Variants in MACO1 observed in about 807,000 individuals in gnomAD.
The protein encoded by MACO1 is macoilin.
A neutral mutation model predicts 78.7 loss-of-function variants in MACO1; 14 were observed. The observed-to-expected ratio is 0.18, with a 90% CI of 0.12 to 0.28. The LOEUF is 0.28. Among genes scored for constraint, MACO1 ranks in the 10% least tolerant of loss-of-function variants. The probability of loss-of-function intolerance (pLI) is 1.00; values close to 1 mark genes in which losing one functional copy is unlikely to be tolerated. For missense variants in MACO1, 501 were observed against 799.0 expected, an observed-to-expected ratio of 0.63 and a Z score of 4.50; for synonymous variants, 288 against 291.6, an observed-to-expected ratio of 0.99 and a Z score of 0.12.
At position 25,498,635 on chromosome 1, in the gene MACO1, C is replaced by T; in HGVS notation, c.*169C>T. 8.7e-6 allele frequency: 5 copies of T among 572,732 alleles called. No homozygotes were observed. Among genetic ancestry groups the T allele is most frequent in the South Asian group, 3.4e-5 (1 of 29,320 alleles). The allele number at this position is 572,732 out of a possible 1,614,324, so 35.5% of individuals were successfully genotyped here. ...TAACATCCAAGTCTGATTAGAACTG[C>T]CCATCAGTTTTTCTTGTAAATTTTT... On this transcript the variant is annotated 3_prime_UTR_variant, in exon 11 of 11. Transcript: ENST00000374343.
At chr1:25,448,098 G>A (rs555196718) in intron 2 of MACO1, among the ~76,000 whole-genome samples, 242 of 152,232 alleles carry the variant, frequency 1.6e-3, no homozygotes, top group African/African-American at 5.6e-3. Context: ...GCTCCAGACA[G>A]CCTGTCTTTT....
intron 8 of MACO1, among the ~76,000 whole-genome samples, chr1:25,487,815 T>A (rs2043447711): frequency 6.6e-6 from 1 of 152,074 alleles, no homozygotes. Flanking sequence ...TTGTCTCAAG[T>A]CTCATGGCCT....
chr1:25,476,604 G>C (rs35821610), intron 6 of MACO1, among the ~76,000 whole-genome samples: 63,206 of 152,054 alleles, frequency 0.42, 14,445 homozygotes, highest in East Asian at 0.73. Context: ...TGGTATAGAG[G>C]GTAATCAGTA....
Position 25,469,067 on chromosome 1 carries a change from TC to T in MACO1, c.1154+10177del, listed in dbSNP as rs1468677042. Reference sequence around the variant, plus strand: ...CATGTTGCCCAGGCTGGTCTCGAGCTCCTGACCTCAAGTGATCTGCCTGCCT... The same window carrying T: ...CATGTTGCCCAGGCTGGTCTCGAGCTCTGACCTCAAGTGATCTGCCTGCCT... On this transcript the variant is annotated intron_variant, in intron 6 of 10. Transcript: ENST00000374343. Among the ~76,000 whole-genome samples, 6 of 147,330 alleles carry T rather than the reference TC, an allele frequency of 4.1e-5. No homozygotes were observed. In the East Asian group the frequency reaches 1.3e-3, roughly 31 times the overall value.
At chr1:25,460,362 C>T (rs941567338) in intron 6 of MACO1, among the ~76,000 whole-genome samples, 1 of 151,888 alleles carries the variant, frequency 6.6e-6, no homozygotes, top group East Asian at 1.9e-4. Context: ...ATGCTATACA[C>T]AAAACATCTG....
At chr1:25,453,395 G>A (rs1557662623) in intron 3 of MACO1, among the ~76,000 whole-genome samples, 1 of 150,694 alleles carries the variant, frequency 6.6e-6, no homozygotes, top group Non-Finnish European at 1.5e-5. Context: ...CGGGCACGGT[G>A]GCTCACGCCT....
chr1:25,453,957 T>A (rs2043092260), intron 3 of MACO1, among the ~76,000 whole-genome samples: 1 of 152,178 alleles, frequency 6.6e-6, no homozygotes, highest in African/African-American at 2.4e-5. Flanking sequence ...ACTCGTAAAT[T>A]ATTTTCTTTA....
chr1:25,430,927 G>C lies in MACO1; in HGVS notation c.-172G>C, dbSNP rs1025513671. 7.1e-5 allele frequency: 34 copies of C among 476,716 alleles called. No individual in the cohort carries two copies. The highest frequency in any genetic ancestry group is 1.1e-4 in the Non-Finnish European group (30 of 268,596). The allele number at this position is 476,716 out of a possible 1,614,324, so 29.5% of individuals were successfully genotyped here. On this transcript the variant is annotated 5_prime_UTR_variant, in exon 1 of 11. Transcript: ENST00000374343. ...TTCTTTGTTTCCGAAGGCGGAGGAG[G>C]CTCCGAGCCCCCCCTCCCCGTGCTA...
intron 6 of MACO1, among the ~76,000 whole-genome samples, chr1:25,473,563 A>G (rs2043293599): frequency 6.6e-6 from 1 of 152,084 alleles, no homozygotes; most frequent in African/African-American, 2.4e-5. Context: ...TTGAAAGTTT[A>G]CTCCCTAGAA....
chr1:25,444,853 T>A (rs115655302), intron 1 of MACO1, among the ~76,000 whole-genome samples: 4 of 152,084 alleles, frequency 2.6e-5, no homozygotes, highest in Non-Finnish European at 4.4e-5. Flanking sequence ...ATTACAGATA[T>A]AAGCCACTGT....
At chr1:25,474,104 C>T (rs529564819) in intron 6 of MACO1, among the ~76,000 whole-genome samples, 10 of 152,148 alleles carry the variant, frequency 6.6e-5, no homozygotes, top group Middle Eastern at 3.2e-3. Context: ...GAACCTGACA[C>T]CTAGCATTTG....
At chr1:25,466,779 T>G (rs936740171) in intron 6 of MACO1, among the ~76,000 whole-genome samples, 1 of 152,206 alleles carries the variant, frequency 6.6e-6, no homozygotes, top group Non-Finnish European at 1.5e-5. Flanking sequence ...GAGCAGAAAT[T>G]TTTATTTTAA....
intron 6 of MACO1, among the ~76,000 whole-genome samples, chr1:25,471,702 T>C (rs1051922847): frequency 3.9e-5 from 6 of 152,212 alleles, no homozygotes; most frequent in Admixed American, 3.3e-4. Context: ...ACAGTGCAAC[T>C]CAAAGGCTTT....
rs376465534 is a variant in MACO1 at position 25,470,969 on chromosome 1, A to G, written c.1154+12077A>G. Among the ~76,000 whole-genome samples, 19 of 152,204 alleles carry G rather than the reference A, an allele frequency of 1.2e-4. No homozygotes were observed. The East Asian group carries it at 3.1e-3, about 25-fold the overall frequency. The stretch of plus-strand genomic sequence containing the variant: ...CTTGAACCTGGGAGTCAGAGGTTGC[A>G]GTGAGCCAGGGTCGCACCTCTGCAC... On this transcript the variant is annotated intron_variant, in intron 6 of 10. Transcript: ENST00000374343.
At chr1:25,495,887 C>T (rs539052876) in intron 10 of MACO1, among the ~76,000 whole-genome samples, 63 of 152,118 alleles carry the variant, frequency 4.1e-4, no homozygotes, top group South Asian at 6.2e-4. Context: ...GCTTGAACCC[C>T]GAAAGTGGAG....
chr1:25,469,564 A>T (rs913238470), intron 6 of MACO1, among the ~76,000 whole-genome samples: 4 of 151,640 alleles, frequency 2.6e-5, no homozygotes, highest in Non-Finnish European at 5.9e-5. Flanking sequence ...GAATTCACAG[A>T]CTTTCATACT....
Position 25,448,909 on chromosome 1 carries a change from A to G in MACO1, c.324A>G (p.Val108=), listed in dbSNP as rs1187572832. ...TTTTTTTTGCTGCTAGCACATATGT[A>G]TGGGTTCAGTACGTATGGCACACAG... ...QWLFFAASTY[V]WVQYVWHTER... Residue 108 remains valine, a synonymous_variant, in exon 3 of 11, where the codon GTA becomes GTG. Coordinates refer to ENST00000374343, the MANE Select transcript of MACO1 (RefSeq NM_018202.6). 2.0e-6 allele frequency: 3 copies of G among 1,535,174 alleles called. No homozygotes were observed. The highest frequency in any genetic ancestry group is 2.3e-5 in the East Asian group (1 of 43,864).
At position 25,454,246 on chromosome 1, in the gene MACO1, T is replaced by G. The variant is rs754384790; in HGVS notation, c.350-13T>G. 31 of 1,574,574 alleles carry G rather than the reference T, an allele frequency of 2.0e-5. No homozygotes were observed. Among genetic ancestry groups the G allele is most frequent in the Admixed American group, 9.1e-5 (5 of 55,176 alleles). ...CGTTTATTAATGCTTGCCTCTCTGC[T>G]GCTTTCTCACAGAAAGGGGAGTGTG... On this transcript the variant is annotated splice_polypyrimidine_tract_variant and intron_variant, in intron 3 of 10. Transcript: ENST00000374343.
intron 1 of MACO1, among the ~76,000 whole-genome samples, chr1:25,433,469 A>G (rs559377824): frequency 6.6e-6 from 1 of 152,290 alleles, no homozygotes; most frequent in South Asian, 2.1e-4. Flanking sequence ...TCTCAACAAC[A>G]TGTGGCCAAT....
Sources: gnomAD v4.1 joint callset for allele counts (sites outside exome capture counted in the v4.1 genomes callset) on GRCh38, gnomAD v4.1.1 for gene constraint, MANE v1.5 for transcripts, NCBI Gene and HGNC (gene_info 2026-07-23, HGNC 2026-07-21) for gene names.